Variants in ARHGEF3 observed in about 807,000 individuals in gnomAD.
ARHGEF3 encodes 59.8 kDA protein.
In ARHGEF3, 28 loss-of-function variants were observed where a neutral mutation model predicts 63.2. That is an observed-to-expected ratio of 0.44 (90% CI 0.33 to 0.61). The LOEUF (loss-of-function observed/expected upper bound fraction) is 0.61, where lower values mean the gene tolerates loss of function less well. Ranked by LOEUF, ARHGEF3 falls within the 20% of genes least tolerant of loss-of-function variation. The probability of loss-of-function intolerance (pLI) is 0.03; values close to 1 mark genes in which losing one functional copy is unlikely to be tolerated. For missense variants in ARHGEF3, 533 were observed against 659.3 expected, an observed-to-expected ratio of 0.81 and a Z score of 2.10; for synonymous variants, 266 against 254.2, an observed-to-expected ratio of 1.05 and a Z score of -0.44.
In ARHGEF3 at chr3:56,733,173, C is replaced by T. The variant is rs939014181; in HGVS notation, c.1042-749G>A. Among the ~76,000 whole-genome samples the T allele has an allele frequency of 4.0e-5, 6 of 151,322 alleles. No homozygotes were observed. The East Asian group carries it at 1.2e-3, about 29-fold the overall frequency. On this transcript the variant is annotated intron_variant, in intron 8 of 9. Coordinates refer to ENST00000296315, the MANE Select transcript of ARHGEF3 (RefSeq NM_019555.3). ...TGGCGGGCACCTGTAGTCCCAGCTA[C>T]TTGGGAGCCTGAGGCAGGAGAATGA...
At chr3:56,949,307 G>A (rs1699681915) in intron 3 of ARHGEF3, among the ~76,000 whole-genome samples, 1 of 151,876 alleles carries the variant, frequency 6.6e-6, no homozygotes, top group Non-Finnish European at 1.5e-5. Flanking sequence ...AGGAAATAAA[G>A]GCTATTCAAT....
intron 2 of ARHGEF3, among the ~76,000 whole-genome samples, chr3:57,033,600 C>T (rs1167030606): frequency 1.3e-5 from 2 of 151,704 alleles, no homozygotes; most frequent in East Asian, 1.9e-4. Flanking sequence ...AGATAACTAA[C>T]AAAGTTATGG....
chr3:57,044,850 G>A (rs1054980218), intron 1 of ARHGEF3, among the ~76,000 whole-genome samples: 1 of 152,190 alleles, frequency 6.6e-6, no homozygotes, highest in African/African-American at 2.4e-5. Flanking sequence ...AGGCCAAAAG[G>A]TATTCCAATT....
intron 4 of ARHGEF3, among the ~76,000 whole-genome samples, chr3:56,845,516 T>C (rs1439469466): frequency 6.6e-6 from 1 of 152,186 alleles, no homozygotes; most frequent in African/African-American, 2.4e-5. Flanking sequence ...ACAGCATTAT[T>C]CTAAAAACCA....
chr3:57,003,324 A>G (rs998147006), intron 2 of ARHGEF3, among the ~76,000 whole-genome samples: 8 of 133,838 alleles, frequency 6.0e-5, no homozygotes, highest in African/African-American at 2.3e-4. Flanking sequence ...AATCGCTTGA[A>G]CCCGGGAGGT....
At chr3:57,074,350 C>T in intron 1 of ARHGEF3, 1 of 1,258,016 alleles carries the variant, frequency 7.9e-7, no homozygotes, top group South Asian at 1.4e-5. Flanking sequence ...CTTCCATCCC[C>T]CACCCCCACC....
chr3:57,015,642 A>G (rs1702965409), intron 2 of ARHGEF3, among the ~76,000 whole-genome samples: 1 of 135,202 alleles, frequency 7.4e-6, no homozygotes, highest in African/African-American at 2.8e-5. Flanking sequence ...AAGTCTAGTT[A>G]TGTTGCCCAG....
chr3:56,906,975 A>ATTTTTTTTTT (rs368006965), intron 3 of ARHGEF3, among the ~76,000 whole-genome samples: 3 of 72,368 alleles, frequency 4.1e-5, no homozygotes, highest in Admixed American at 1.7e-4. Flanking sequence ...CTCACATTCT[A>ATTTTTTTTTT]TTTTTTTTTT....
intron 1 of ARHGEF3, among the ~76,000 whole-genome samples, chr3:56,792,779 C>G (rs2037150162): frequency 6.6e-6 from 1 of 151,798 alleles, no homozygotes; most frequent in South Asian, 2.1e-4. Flanking sequence ...CAATTTTTGT[C>G]TTTTAGTATG....
chr3:56,738,878 G>C (rs1578376418), intron 7 of ARHGEF3, among the ~76,000 whole-genome samples: 1 of 152,102 alleles, frequency 6.6e-6, no homozygotes, highest in South Asian at 2.1e-4. Flanking sequence ...ATCACTTGAG[G>C]TCAGGAGTTC....
At chr3:56,921,462 G>A (rs559558380) in intron 3 of ARHGEF3, among the ~76,000 whole-genome samples, 1 of 133,110 alleles carries the variant, frequency 7.5e-6, no homozygotes, top group South Asian at 2.2e-4. Context: ...TTATCAGGGA[G>A]GCATAAAGCA....
intron 4 of ARHGEF3, among the ~76,000 whole-genome samples, chr3:56,850,248 T>A (rs2039630700): frequency 6.6e-6 from 1 of 152,166 alleles, no homozygotes; most frequent in African/African-American, 2.4e-5. Flanking sequence ...GTTATTTGGG[T>A]CTGGACACGG....
At chr3:56,907,272 C>T (rs762645317) in intron 3 of ARHGEF3, among the ~76,000 whole-genome samples, 1 of 152,162 alleles carries the variant, frequency 6.6e-6, no homozygotes, top group Non-Finnish European at 1.5e-5. Flanking sequence ...TGAGCCACGG[C>T]GCCTGGCCAA....
At chr3:56,863,853 C>T (rs972530283) in intron 4 of ARHGEF3, among the ~76,000 whole-genome samples, 1 of 152,166 alleles carries the variant, frequency 6.6e-6, no homozygotes, top group Non-Finnish European at 1.5e-5. Flanking sequence ...TTTGTGGAAA[C>T]TGAGACCCAG....
At chr3:56,729,870 G>C in intron 9 of ARHGEF3, among the ~76,000 whole-genome samples, 1 of 136,324 alleles carries the variant, frequency 7.3e-6, no homozygotes. Flanking sequence ...AGATCATCTT[G>C]GAACCACAAA....
At chr3:57,053,056 C>A (rs944624484) in intron 1 of ARHGEF3, among the ~76,000 whole-genome samples, 3 of 152,232 alleles carry the variant, frequency 2.0e-5, no homozygotes, top group Admixed American at 6.5e-5. Context: ...CCACCACCAC[C>A]ATTTAATCCT....
chr3:56,819,425 C>T (rs1211919262), intron 4 of ARHGEF3, among the ~76,000 whole-genome samples: 2 of 152,090 alleles, frequency 1.3e-5, no homozygotes, highest in Non-Finnish European at 2.9e-5. Flanking sequence ...CCCAGGTCAA[C>T]CCAGCCCTGT....
intron 2 of ARHGEF3, among the ~76,000 whole-genome samples, chr3:56,758,120 A>G (rs1229270522): frequency 6.7e-6 from 1 of 150,138 alleles, no homozygotes; most frequent in South Asian, 2.1e-4. Flanking sequence ...TTTATTAAAA[A>G]TACAAAAAAA....
intron 3 of ARHGEF3, among the ~76,000 whole-genome samples, chr3:56,913,932 G>A (rs778808570): frequency 6.6e-6 from 1 of 152,140 alleles, no homozygotes; most frequent in Non-Finnish European, 1.5e-5. Context: ...TTATACAATG[G>A]AATACTACTC....
Sources: allele counts gnomAD v4.1 joint callset (sites outside exome capture counted in the v4.1 genomes callset), GRCh38; gene constraint gnomAD v4.1.1; transcripts MANE v1.5; gene names NCBI Gene and HGNC (gene_info 2026-07-23, HGNC 2026-07-21).